Variants in MARCHF1 observed in about 807,000 individuals in gnomAD.
The protein encoded by MARCHF1 is E3 ubiquitin-protein ligase MARCHF1.
A neutral mutation model predicts 54.2 loss-of-function variants in MARCHF1; 40 were observed. The observed-to-expected ratio is 0.74, with a 90% CI of 0.57 to 0.96. MARCHF1 has a LOEUF of 0.96. Ranked by LOEUF, MARCHF1 falls within the 40% of genes least tolerant of loss-of-function variation. The pLI is 0.00. For synonymous variants in MARCHF1, 236 were observed against 236.3 expected, an observed-to-expected ratio of 1.00 and a Z score of 0.01; for missense variants, 586 against 656.5, an observed-to-expected ratio of 0.89 and a Z score of 1.17.
chr4:164,174,617 C>T (rs2110987613), intron 1 of MARCHF1, among the ~76,000 whole-genome samples: 1 of 152,206 alleles, frequency 6.6e-6, no homozygotes, highest in Non-Finnish European at 1.5e-5. Flanking sequence ...TGCTAGAAAA[C>T]TTCAGTAGTC....
At chr4:163,595,345 C>G (rs1205638092) in intron 7 of MARCHF1, among the ~76,000 whole-genome samples, 3 of 113,362 alleles carry the variant, frequency 2.6e-5, no homozygotes, top group Admixed American at 9.8e-5. Context: ...CCTGTCTTCA[C>G]TAAAAATAAA....
intron 3 of MARCHF1, among the ~76,000 whole-genome samples, chr4:163,905,706 G>A (rs985739251): frequency 6.6e-6 from 1 of 152,006 alleles, no homozygotes; most frequent in African/African-American, 2.4e-5. Context: ...ATCTTCTGAT[G>A]TTAATTATGA....
intron 9 of MARCHF1, among the ~76,000 whole-genome samples, chr4:163,535,753 C>CTTTTTTTTTTTTT (rs34118311): frequency 6.9e-6 from 1 of 144,162 alleles, no homozygotes; most frequent in African/African-American, 2.5e-5. Flanking sequence ...TATAGAAGGG[C>CTTTTTTTTTTTTT]TTTTTTTTTT....
chr4:163,734,599 G>A (rs1579240670), intron 4 of MARCHF1, among the ~76,000 whole-genome samples: 1 of 151,130 alleles, frequency 6.6e-6, no homozygotes, highest in African/African-American at 2.4e-5. Flanking sequence ...TTCTAAGGTA[G>A]GATGGTCAAA....
chr4:163,921,453 T>C (rs781499153), intron 3 of MARCHF1, among the ~76,000 whole-genome samples: 28 of 152,178 alleles, frequency 1.8e-4, no homozygotes, highest in African/African-American at 6.8e-4. Flanking sequence ...TAATGTGTCA[T>C]AGACTCTAAG....
intron 1 of MARCHF1, among the ~76,000 whole-genome samples, chr4:164,365,112 G>C (rs1228192353): frequency 6.6e-6 from 1 of 151,952 alleles, no homozygotes; most frequent in Non-Finnish European, 1.5e-5. Flanking sequence ...GCCACGAATA[G>C]AGTAACAGAT....
intron 2 of MARCHF1, among the ~76,000 whole-genome samples, chr4:164,048,223 C>G (rs1004070055): frequency 6.6e-6 from 1 of 152,008 alleles, no homozygotes; most frequent in Non-Finnish European, 1.5e-5. Context: ...TTAAACAAAT[C>G]AGTATTTTTA....
chr4:164,276,860 G>T (rs1329847203), intron 1 of MARCHF1, among the ~76,000 whole-genome samples: 1 of 121,476 alleles, frequency 8.2e-6, no homozygotes, highest in African/African-American at 2.7e-5. Flanking sequence ...ATGTCTATAT[G>T]TTTATATATT....
chr4:163,690,970 C>T (rs766195789), intron 5 of MARCHF1, among the ~76,000 whole-genome samples: 3 of 152,126 alleles, frequency 2.0e-5, no homozygotes, highest in Non-Finnish European at 2.9e-5. Context: ...TTCCCCAAGG[C>T]GACCACTGGG....
At chr4:163,832,769 G>A (rs1339879879) in intron 4 of MARCHF1, among the ~76,000 whole-genome samples, 1 of 133,900 alleles carries the variant, frequency 7.5e-6, no homozygotes, top group African/African-American at 2.9e-5. Context: ...TCTCCAGTGT[G>A]TGATGTTCCC....
intron 1 of MARCHF1, among the ~76,000 whole-genome samples, chr4:164,263,983 G>A (rs1396952084): frequency 1.3e-5 from 2 of 152,090 alleles, no homozygotes; most frequent in South Asian, 2.1e-4. Flanking sequence ...CCAGTAATCC[G>A]ACTACTGGGT....
At chr4:163,620,073 G>A (rs560631581) in intron 5 of MARCHF1, among the ~76,000 whole-genome samples, 3 of 152,180 alleles carry the variant, frequency 2.0e-5, no homozygotes, top group Admixed American at 2.0e-4. Context: ...GATCAAGAAG[G>A]AAAAGTTGAT....
intron 5 of MARCHF1, among the ~76,000 whole-genome samples, chr4:163,624,492 C>T (rs1014752589): frequency 6.6e-6 from 1 of 152,158 alleles, no homozygotes; most frequent in Non-Finnish European, 1.5e-5. Flanking sequence ...CTCCTGCTGC[C>T]TAGAAAACAC....
intron 1 of MARCHF1, among the ~76,000 whole-genome samples, chr4:164,215,285 T>C (rs1480570880): frequency 6.6e-6 from 1 of 152,152 alleles, no homozygotes; most frequent in East Asian, 1.9e-4. Context: ...CTTCGGTAGA[T>C]AGCCTGCCAG....
intron 1 of MARCHF1, among the ~76,000 whole-genome samples, chr4:164,355,386 A>G (rs1730491708): frequency 2.5e-5 from 3 of 119,870 alleles, no homozygotes; most frequent in Admixed American, 9.1e-5. Flanking sequence ...TACAGTAACC[A>G]AAACAACATG....
intron 3 of MARCHF1, among the ~76,000 whole-genome samples, chr4:163,915,964 A>G (rs935865138): frequency 2.3e-4 from 35 of 152,162 alleles, no homozygotes; most frequent in African/African-American, 8.4e-4. Context: ...TTTTAATTCT[A>G]GTACCAAATT....
chr4:163,631,829 T>C (rs1057407414), intron 5 of MARCHF1, among the ~76,000 whole-genome samples: 2 of 152,128 alleles, frequency 1.3e-5, no homozygotes, highest in Non-Finnish European at 2.9e-5. Context: ...ACATCAAAAT[T>C]TTCAAAAACT....
chr4:164,196,819 C>G (rs1480191066), intron 1 of MARCHF1, among the ~76,000 whole-genome samples: 1 of 152,086 alleles, frequency 6.6e-6, no homozygotes, highest in Non-Finnish European at 1.5e-5. Flanking sequence ...CCCTCCCTCC[C>G]TCCACAACCC....
intron 4 of MARCHF1, among the ~76,000 whole-genome samples, chr4:163,701,959 C>T (rs1190449177): frequency 6.6e-6 from 1 of 151,984 alleles, no homozygotes; most frequent in Non-Finnish European, 1.5e-5. Flanking sequence ...GCTGAAATTG[C>T]CCATGATGAC....
Sources: allele counts gnomAD v4.1 joint callset (sites outside exome capture counted in the v4.1 genomes callset), GRCh38; gene constraint gnomAD v4.1.1; transcripts MANE v1.5; gene names NCBI Gene and HGNC (gene_info 2026-07-23, HGNC 2026-07-21).